ACOXL: variants seen among roughly 807,000 people sequenced by gnomAD.
ACOXL encodes the protein acyl-coenzyme A oxidase-like protein.
A neutral mutation model predicts 71.9 loss-of-function variants in ACOXL; 70 were observed. The ratio of observed to expected loss-of-function variants is 0.97; its 90% CI spans 0.80 to 1.19. The LOEUF is 1.19. Ranked by LOEUF, ACOXL falls within the 50% of genes most tolerant of loss-of-function variation. The pLI, the probability that ACOXL is intolerant of heterozygous loss-of-function variation, is 0.00. For synonymous variants in ACOXL, 253 were observed against 281.6 expected, an observed-to-expected ratio of 0.90 and a Z score of 1.02; for missense variants, 703 against 736.3, an observed-to-expected ratio of 0.95 and a Z score of 0.52.
chr2:111,116,972 G>C (rs2070402144), intron 17 of ACOXL, among the ~76,000 whole-genome samples: 1 of 152,206 alleles, frequency 6.6e-6, no homozygotes, highest in Admixed American at 6.5e-5. Flanking sequence ...GGCATCCGCG[G>C]CGTTCCTTGG....
At chr2:111,032,359 G>T (rs2065318140) in intron 15 of ACOXL, among the ~76,000 whole-genome samples, 1 of 152,146 alleles carries the variant, frequency 6.6e-6, no homozygotes, top group Non-Finnish European at 1.5e-5. Context: ...CTGCAACCAA[G>T]AATTATCTAG....
At chr2:110,999,930 CTG>C (rs149567286) in intron 14 of ACOXL, among the ~76,000 whole-genome samples, 1,848 of 152,328 alleles carry the variant, frequency 0.012, 20 homozygotes, top group Non-Finnish European at 0.021. Flanking sequence ...GCTTCAGAAA[CTG>C]TGTGCATAAT....
intron 13 of ACOXL, among the ~76,000 whole-genome samples, chr2:110,987,959 T>C (rs2063005594): frequency 1.3e-5 from 2 of 152,206 alleles, no homozygotes; most frequent in African/African-American, 4.8e-5. Context: ...TCAAACTTAA[T>C]TGACATTACT....
intron 10 of ACOXL, among the ~76,000 whole-genome samples, chr2:110,869,639 C>T (rs906680625): frequency 9.9e-5 from 15 of 152,180 alleles, no homozygotes; most frequent in South Asian, 2.1e-4. Context: ...CCTGTGCTTG[C>T]CCAGGTGACC....
At chr2:110,822,465 A>G (rs1173136362) in intron 9 of ACOXL, among the ~76,000 whole-genome samples, 1 of 152,012 alleles carries the variant, frequency 6.6e-6, no homozygotes, top group Non-Finnish European at 1.5e-5. Flanking sequence ...CATGCAAACA[A>G]CTTTATCATC....
At chr2:111,100,320 A>C (rs765442206) in intron 17 of ACOXL, 2 of 152,670 alleles carry the variant, frequency 1.3e-5, no homozygotes, top group Non-Finnish European at 2.9e-5. Context: ...CAGGTGATGA[A>C]GGACCCACAG....
At chr2:110,989,382 T>C (rs1010703774) in intron 13 of ACOXL, among the ~76,000 whole-genome samples, 4 of 152,238 alleles carry the variant, frequency 2.6e-5, no homozygotes, top group Non-Finnish European at 4.4e-5. Flanking sequence ...ATAATTACTC[T>C]GGCTTTATAA....
At chr2:110,889,279 G>A (rs1697669416) in intron 10 of ACOXL, among the ~76,000 whole-genome samples, 1 of 151,690 alleles carries the variant, frequency 6.6e-6, no homozygotes, top group Non-Finnish European at 1.5e-5. Context: ...AAATTCAAGA[G>A]CCCATGGTGA....
intron 1 of ACOXL, among the ~76,000 whole-genome samples, chr2:110,737,709 G>A (rs184079784): frequency 6.6e-6 from 1 of 152,214 alleles, no homozygotes; most frequent in East Asian, 1.9e-4. Flanking sequence ...GTAATTGGCA[G>A]TTCCACCCCT....
intron 14 of ACOXL, 112 bp from the exon 15 acceptor site, chr2:111,031,515 G>A (rs3789090): frequency 0.39 from 350,941 of 901,330 alleles, 70,061 homozygotes; most frequent in African/African-American, 0.48. Context: ...TCTGCACTGT[G>A]TCCATGCTTA....
At chr2:110,807,937 G>C (rs917162975) in intron 9 of ACOXL, among the ~76,000 whole-genome samples, 1 of 152,158 alleles carries the variant, frequency 6.6e-6, no homozygotes, top group Admixed American at 6.5e-5. Flanking sequence ...AGCGTGCCCG[G>C]TCATTTTAAA....
At chr2:110,991,548 G>A (rs1396324201) in intron 13 of ACOXL, among the ~76,000 whole-genome samples, 1 of 150,372 alleles carries the variant, frequency 6.7e-6, no homozygotes, top group Non-Finnish European at 1.5e-5. Context: ...TATTGAACTA[G>A]TTTCTAAGGA....
chr2:110,765,127 T>A (rs1256150193), intron 1 of ACOXL, among the ~76,000 whole-genome samples: 1 of 152,226 alleles, frequency 6.6e-6, no homozygotes, highest in Admixed American at 6.5e-5. Context: ...GCCTCTGTAG[T>A]TTCCAGTGAG....
At chr2:110,979,114 C>G (rs571926813) in intron 12 of ACOXL, among the ~76,000 whole-genome samples, 1 of 152,258 alleles carries the variant, frequency 6.6e-6, no homozygotes, top group Admixed American at 6.5e-5. Flanking sequence ...CGGCCCTGCG[C>G]TAGGGAAGGT....
chr2:111,066,947 A>G (rs1452165184), intron 16 of ACOXL, among the ~76,000 whole-genome samples: 1 of 152,218 alleles, frequency 6.6e-6, no homozygotes, highest in African/African-American at 2.4e-5. Flanking sequence ...TTCTATGAGA[A>G]TTTTAACTCA....
chr2:110,988,857 TTGTGTG>T (rs70958753), intron 13 of ACOXL, among the ~76,000 whole-genome samples: 13,422 of 143,388 alleles, frequency 0.094, 1,033 homozygotes, highest in African/African-American at 0.21. Flanking sequence ...CCTATTTTTA[TTGTGTG>T]TGTGTGTGTG....
chr2:110,802,845 G>A (rs1186459374), intron 8 of ACOXL, among the ~76,000 whole-genome samples: 1 of 152,092 alleles, frequency 6.6e-6, no homozygotes, highest in African/African-American at 2.4e-5. Context: ...TAACAATAAT[G>A]TGTTGTATAT....
intron 9 of ACOXL, among the ~76,000 whole-genome samples, chr2:110,822,041 T>G (rs1688673764): frequency 6.6e-6 from 1 of 151,970 alleles, no homozygotes; most frequent in African/African-American, 2.4e-5. Context: ...TCATCTTGTA[T>G]TTTGTCTGCC....
chr2:110,759,606 G>A (rs1371338368), intron 1 of ACOXL, among the ~76,000 whole-genome samples: 1 of 151,996 alleles, frequency 6.6e-6, no homozygotes, highest in Non-Finnish European at 1.5e-5. Context: ...CATACTGATG[G>A]GTCTTGGCGC....
Sources: allele counts gnomAD v4.1 joint callset (sites outside exome capture counted in the v4.1 genomes callset), GRCh38; gene constraint gnomAD v4.1.1; transcripts MANE v1.5; gene names NCBI Gene and HGNC (gene_info 2026-07-23, HGNC 2026-07-21).